ULK4: variants seen among roughly 807,000 people sequenced by gnomAD.
ULK4 encodes the protein inactive serine/threonine-protein kinase ULK4.
ULK4 carries 133 observed loss-of-function variants against 160.6 expected under a neutral mutation model. The ratio of observed to expected loss-of-function variants is 0.83; its 90% CI spans 0.72 to 0.96. The LOEUF is 0.96. Among genes scored for constraint, ULK4 ranks in the 40% least tolerant of loss-of-function variants. The pLI is 0.00. For synonymous variants in ULK4, 534 were observed against 539.8 expected (o/e 0.99, Z 0.15); for missense variants, 1,580 against 1,499.5 (o/e 1.05, Z -0.89).
intron 22 of ULK4, among the ~76,000 whole-genome samples, chr3:41,736,196 G>A (rs1461866347): frequency 1.3e-5 from 2 of 151,592 alleles, no homozygotes; most frequent in East Asian, 3.9e-4. Flanking sequence ...TAATCCTTTG[G>A]GTATATACCC....
chr3:41,760,678 G>T (rs1217279531), intron 21 of ULK4, among the ~76,000 whole-genome samples: 4 of 152,032 alleles, frequency 2.6e-5, no homozygotes. Flanking sequence ...TTTATACAAG[G>T]TGTATATGAA....
chr3:41,819,325 G>C (rs2041064597), intron 19 of ULK4, 98 bp downstream of exon 19: 1 of 1,120,530 alleles, frequency 8.9e-7, no homozygotes, highest in South Asian at 2.0e-5. Flanking sequence ...ATACTTGGTT[G>C]ACAAGCTCCT....
chr3:41,916,808 T>C (rs1451328931), intron 7 of ULK4, among the ~76,000 whole-genome samples: 1 of 150,944 alleles, frequency 6.6e-6, no homozygotes, highest in Non-Finnish European at 1.5e-5. Context: ...CCCAGGTATA[T>C]GCGATTCTCC....
At chr3:41,402,907 T>C (rs185702142) in intron 34 of ULK4, among the ~76,000 whole-genome samples, 104 of 152,238 alleles carry the variant, frequency 6.8e-4, no homozygotes, top group African/African-American at 2.5e-3. Flanking sequence ...TCCCAGCACT[T>C]TGAGGGGCCA....
At chr3:41,322,756 A>G (rs191292773) in intron 35 of ULK4, among the ~76,000 whole-genome samples, 15 of 152,338 alleles carry the variant, frequency 9.8e-5, no homozygotes, top group Admixed American at 4.6e-4. Context: ...AACTGTATCC[A>G]ATATTTTTAC....
intron 12 of ULK4, among the ~76,000 whole-genome samples, chr3:41,903,455 G>A (rs1391546665): frequency 6.6e-6 from 1 of 151,908 alleles, no homozygotes; most frequent in Non-Finnish European, 1.5e-5. Flanking sequence ...TGTGGTGGCG[G>A]GTGCCTGTGG....
chr3:41,343,894 A>G lies in ULK4; in HGVS notation c.3678+54185T>C, dbSNP rs558101306. ...AAGCATTCCATGCTCATGGATAGGA[A>G]GAATCAATATTGTGAAAATGGCCAT... On this transcript the variant is annotated intron_variant, in intron 35 of 36. Coordinates refer to ENST00000301831, the MANE Select transcript of ULK4 (RefSeq NM_017886.4). Among the ~76,000 whole-genome samples, 8 of 152,338 alleles carry G rather than the reference A, an allele frequency of 5.3e-5. No homozygotes were observed. In the South Asian group the frequency reaches 8.3e-4, roughly 16 times the overall value.
At chr3:41,811,257 C>T (rs1479071547) in intron 19 of ULK4, among the ~76,000 whole-genome samples, 1 of 150,722 alleles carries the variant, frequency 6.6e-6, no homozygotes, top group Non-Finnish European at 1.5e-5. Flanking sequence ...AATGCAGTAG[C>T]ACACTCATAG....
chr3:41,943,632 C>T (rs1366797154), intron 2 of ULK4, among the ~76,000 whole-genome samples: 1 of 152,186 alleles, frequency 6.6e-6, no homozygotes, highest in African/African-American at 2.4e-5. Flanking sequence ...TACCTCCTAA[C>T]TGATGACTTT....
At chr3:41,583,874 G>A (rs1209032054) in intron 31 of ULK4, among the ~76,000 whole-genome samples, 2 of 152,204 alleles carry the variant, frequency 1.3e-5, no homozygotes, top group East Asian at 3.9e-4. Context: ...CACAAATGTG[G>A]GATGGAGCAG....
At chr3:41,390,912 T>C (rs1287874272) in intron 35 of ULK4, among the ~76,000 whole-genome samples, 2 of 152,116 alleles carry the variant, frequency 1.3e-5, no homozygotes, top group South Asian at 2.1e-4. Flanking sequence ...GTTCATTTTG[T>C]ATCTTTTAAC....
intron 17 of ULK4, among the ~76,000 whole-genome samples, chr3:41,840,628 G>A (rs899376946): frequency 3.3e-5 from 5 of 152,200 alleles, no homozygotes; most frequent in African/African-American, 7.2e-5. Context: ...TGCCCACCTC[G>A]GCCTCCCGGG....
At chr3:41,463,993 A>T (rs1032484882) in intron 32 of ULK4, among the ~76,000 whole-genome samples, 1 of 141,130 alleles carries the variant, frequency 7.1e-6, no homozygotes, top group Non-Finnish European at 1.5e-5. Flanking sequence ...GTAGAGCATA[A>T]ATTCAGATGT....
chr3:41,382,745 T>C (rs1233677483), intron 35 of ULK4, among the ~76,000 whole-genome samples: 2 of 152,208 alleles, frequency 1.3e-5, no homozygotes, highest in African/African-American at 2.4e-5. Context: ...TGGATAAATA[T>C]TGTAAATATC....
chr3:41,851,654 A>C (rs1414919076), intron 17 of ULK4, among the ~76,000 whole-genome samples: 3 of 152,200 alleles, frequency 2.0e-5, no homozygotes, highest in Non-Finnish European at 4.4e-5. Context: ...AAGGAATGGT[A>C]CCAGCTCCTC....
intron 32 of ULK4, among the ~76,000 whole-genome samples, chr3:41,542,327 T>C (rs1002542797): frequency 2.0e-5 from 3 of 152,190 alleles, no homozygotes; most frequent in Non-Finnish European, 2.9e-5. Context: ...ATTTATTACA[T>C]TTATTGATTT....
At chr3:41,884,216 C>T (rs779103804) in intron 16 of ULK4, among the ~76,000 whole-genome samples, 5 of 152,022 alleles carry the variant, frequency 3.3e-5, no homozygotes, top group Admixed American at 6.6e-5. Context: ...AATAGTAAAA[C>T]GAAAAATAAA....
At chr3:41,252,578 T>A (rs2078762911) in intron 35 of ULK4, among the ~76,000 whole-genome samples, 3 of 106,666 alleles carry the variant, frequency 2.8e-5, no homozygotes, top group African/African-American at 1.1e-4. Context: ...GATAGATCAA[T>A]AGAAATTATC....
At chr3:41,378,662 A>G (rs933027765) in intron 35 of ULK4, among the ~76,000 whole-genome samples, 1 of 151,876 alleles carries the variant, frequency 6.6e-6, no homozygotes, top group African/African-American at 2.4e-5. Flanking sequence ...GGATAGCAGT[A>G]AAAGATATAC....
Sources: gnomAD v4.1 joint callset for allele counts (sites outside exome capture counted in the v4.1 genomes callset) on GRCh38, gnomAD v4.1.1 for gene constraint, MANE v1.5 for transcripts, NCBI Gene and HGNC (gene_info 2026-07-23, HGNC 2026-07-21) for gene names.